The following CNOT4 variants were observed in gnomAD, a reference collection of about 807,000 sequenced individuals.
CNOT4 encodes the protein CCR4-associated factor 4.
A neutral mutation model predicts 73.8 loss-of-function variants in CNOT4; 8 were observed. That is an observed-to-expected ratio of 0.11 (90% CI 0.06 to 0.20). The LOEUF (loss-of-function observed/expected upper bound fraction) is 0.20, where lower values mean the gene tolerates loss of function less well. CNOT4 is among the 10% of genes least tolerant of loss of function. The probability of loss-of-function intolerance (pLI) is 1.00; values close to 1 mark genes in which losing one functional copy is unlikely to be tolerated. For missense variants in CNOT4, 564 were observed against 883.4 expected, an observed-to-expected ratio of 0.64 and a Z score of 4.58; for synonymous variants, 293 against 321.1, an observed-to-expected ratio of 0.91 and a Z score of 0.94.
intron 10 of CNOT4, among the ~76,000 whole-genome samples, chr7:135,370,949 TG>T (rs1232648158): frequency 6.6e-6 from 1 of 152,222 alleles, no homozygotes; most frequent in African/African-American, 2.4e-5. Context: ...GCATCAAAAC[TG>T]TTTAAAGAAG....
In CNOT4 at chr7:135,470,269, C is replaced by A. The variant is rs187226254; in HGVS notation, c.-92-31846G>T. ...CTCAGCCTCCTGAGTAGCTAGGACC[C>A]ACGGGCACATAACCCCATGCCCCAC... On this transcript the variant is annotated intron_variant, in intron 1 of 11. Transcript: ENST00000541284. Among the ~76,000 whole-genome samples, 324 of 151,924 alleles carry A rather than the reference C, an allele frequency of 2.1e-3. 8 individuals carry two copies. Among genetic ancestry groups the A allele is most frequent in the Non-Finnish European group, 2.8e-4 (19 of 67,954 alleles).
At chr7:135,456,533 G>T (rs188581572) in intron 1 of CNOT4, among the ~76,000 whole-genome samples, 1 of 151,986 alleles carries the variant, frequency 6.6e-6, no homozygotes, top group Non-Finnish European at 1.5e-5. Context: ...TCATCCGTCG[G>T]TATCATTGGA....
At chr7:135,408,501 T>C (rs528983116) in intron 7 of CNOT4, among the ~76,000 whole-genome samples, 1 of 152,296 alleles carries the variant, frequency 6.6e-6, no homozygotes, top group East Asian at 1.9e-4. Flanking sequence ...CAAATTTACA[T>C]TTTACAATAA....
At chr7:135,489,813 G>A (rs990839792) in intron 1 of CNOT4, among the ~76,000 whole-genome samples, 1 of 151,968 alleles carries the variant, frequency 6.6e-6, no homozygotes, top group Non-Finnish European at 1.5e-5. Flanking sequence ...CAGACCAAGA[G>A]ATTAAATATT....
At chr7:135,384,924 G>C (rs1473640856) in intron 10 of CNOT4, among the ~76,000 whole-genome samples, 1 of 152,172 alleles carries the variant, frequency 6.6e-6, no homozygotes, top group Non-Finnish European at 1.5e-5. Flanking sequence ...CTTCCATTCT[G>C]TACTTTTCTA....
intron 2 of CNOT4, among the ~76,000 whole-genome samples, chr7:135,424,833 T>C (rs542193856): frequency 6.6e-6 from 1 of 152,074 alleles, no homozygotes; most frequent in South Asian, 2.1e-4. Context: ...ACAAACAAGT[T>C]CATTTGAAAG....
intron 10 of CNOT4, among the ~76,000 whole-genome samples, chr7:135,389,157 CAAAAAAAAAAA>C (rs11292254): frequency 1.2e-5 from 1 of 83,670 alleles, no homozygotes. Context: ...AACATACTAC[CAAAAAAAAAAA>C]AAAAAAAAAA....
rs75599123 is a variant in CNOT4, at chr7:135,501,623, C to A, written c.-93+8266G>T. On this transcript the variant is annotated intron_variant, in intron 1 of 11. Transcript: ENST00000541284. ...ACGAGTAATCTTTCTGAAAAACACT[C>A]TCATGTTTTCTCCTGCTCCCTATCA... Among the ~76,000 whole-genome samples the A allele has an allele frequency of 2.2e-3, 339 of 152,276 alleles. 13 individuals carry two copies. In the East Asian group the frequency reaches 0.054, roughly 24 times the overall value.
intron 1 of CNOT4, among the ~76,000 whole-genome samples, chr7:135,462,780 C>T (rs1418616423): frequency 6.6e-6 from 1 of 152,108 alleles, no homozygotes; most frequent in African/African-American, 2.4e-5. Context: ...TTCTATAGAC[C>T]TGAGCTTCGG....
chr7:135,489,471 C>T (rs1052652914), intron 1 of CNOT4, among the ~76,000 whole-genome samples: 1 of 146,724 alleles, frequency 6.8e-6, no homozygotes, highest in Non-Finnish European at 1.5e-5. Flanking sequence ...TCTCAGCTCA[C>T]TGCAACCTCC....
At chr7:135,415,898 G>C (rs1218679636) in intron 3 of CNOT4, among the ~76,000 whole-genome samples, 1 of 151,674 alleles carries the variant, frequency 6.6e-6, no homozygotes, top group Non-Finnish European at 1.5e-5. Context: ...TAACATTTCG[G>C]AAACAAATTT....
At chr7:135,410,341 G>A (rs1797526171) in intron 7 of CNOT4, among the ~76,000 whole-genome samples, 174 bp downstream of exon 7, 1 of 152,058 alleles carries the variant, frequency 6.6e-6, no homozygotes. Flanking sequence ...GGAAAAGTAG[G>A]CAGCAAGCAT....
chr7:135,464,632 G>A (rs1001759975), intron 1 of CNOT4, among the ~76,000 whole-genome samples: 1 of 151,864 alleles, frequency 6.6e-6, no homozygotes, highest in Non-Finnish European at 1.5e-5. Flanking sequence ...GTTTACCTAT[G>A]TAACAAACCT....
intron 10 of CNOT4, among the ~76,000 whole-genome samples, chr7:135,389,486 T>C (rs912655502): frequency 6.6e-6 from 1 of 151,518 alleles, no homozygotes; most frequent in African/African-American, 2.4e-5. Flanking sequence ...GAAAATGAGA[T>C]GACTACTTCT....
chr7:135,401,427 A>C (rs1207658484), intron 7 of CNOT4, among the ~76,000 whole-genome samples: 1 of 152,212 alleles, frequency 6.6e-6, no homozygotes, highest in African/African-American at 2.4e-5. Flanking sequence ...ATTTGGATGC[A>C]CTAAGATAAA....
At chr7:135,381,450 T>C (rs945057362) in intron 10 of CNOT4, among the ~76,000 whole-genome samples, 4 of 152,240 alleles carry the variant, frequency 2.6e-5, no homozygotes, top group African/African-American at 9.6e-5. Context: ...GCAAATCTCC[T>C]AAGTGTCTCT....
At chr7:135,462,568 T>C (rs1800942038) in intron 1 of CNOT4, among the ~76,000 whole-genome samples, 1 of 152,244 alleles carries the variant, frequency 6.6e-6, no homozygotes, top group South Asian at 2.1e-4. Context: ...TTCCTAATAC[T>C]TCCTTATACT....
intron 1 of CNOT4, among the ~76,000 whole-genome samples, chr7:135,497,279 C>T (rs1366663812): frequency 3.3e-5 from 5 of 152,074 alleles, no homozygotes; most frequent in Middle Eastern, 3.4e-3. Context: ...CATGGTGGCA[C>T]GTGCCTGTAG....
chr7:135,477,041 C>T (rs1262826711), intron 1 of CNOT4, among the ~76,000 whole-genome samples: 1 of 152,160 alleles, frequency 6.6e-6, no homozygotes, highest in East Asian at 1.9e-4. Context: ...AATATATATG[C>T]TATAAATATT....
Sources: allele counts gnomAD v4.1 joint callset (sites outside exome capture counted in the v4.1 genomes callset), GRCh38; gene constraint gnomAD v4.1.1; transcripts MANE v1.5; gene names NCBI Gene and HGNC (gene_info 2026-07-23, HGNC 2026-07-21).